FRMD4A: variants seen among roughly 807,000 people sequenced by gnomAD.
FRMD4A encodes FERM domain-containing protein 4A.
Under a neutral mutation model 129.1 loss-of-function variants are expected in FRMD4A, and 29 were observed. That is an observed-to-expected ratio of 0.22 (90% CI 0.17 to 0.31). The LOEUF is 0.31. Among genes scored for constraint, FRMD4A ranks in the 10% least tolerant of loss-of-function variants. FRMD4A has a pLI of 1.00. For synonymous variants in FRMD4A, 634 were observed against 571.6 expected (o/e 1.11, Z -1.56); for missense variants, 1,272 against 1,375.8 (o/e 0.92, Z 1.19).
chr10:13,696,135 C>T (rs1012727306), intron 14 of FRMD4A, among the ~76,000 whole-genome samples: 3 of 152,188 alleles, frequency 2.0e-5, no homozygotes, highest in African/African-American at 7.2e-5. Context: ...CTTCCTCAGG[C>T]GAATTTCCTT....
intron 2 of FRMD4A, among the ~76,000 whole-genome samples, chr10:13,926,483 C>T (rs865912807): frequency 1.1e-4 from 17 of 152,178 alleles, no homozygotes; most frequent in Non-Finnish European, 1.2e-4. Flanking sequence ...ACAGCAGTCC[C>T]AATGATCAGT....
At chr10:14,171,022 T>TTG (rs1554775763) in intron 2 of FRMD4A, among the ~76,000 whole-genome samples, 5 of 52,638 alleles carry the variant, frequency 9.5e-5, no homozygotes, top group Admixed American at 5.8e-4. Context: ...GAGTTTTTTT[T>TTG]TTTGTTTATT....
chr10:13,873,267 G>A (rs1439464476), intron 2 of FRMD4A, among the ~76,000 whole-genome samples: 1 of 32,406 alleles, frequency 3.1e-5, no homozygotes, highest in Non-Finnish European at 5.2e-5. Context: ...AAAAGATAAG[G>A]CTGAAAAAAA....
chr10:14,262,403 G>A (rs1374919041), intron 2 of FRMD4A, among the ~76,000 whole-genome samples: 1 of 152,158 alleles, frequency 6.6e-6, no homozygotes, highest in Non-Finnish European at 1.5e-5. Flanking sequence ...GCTTGGCAAA[G>A]GGTAAATTCT....
intron 2 of FRMD4A, among the ~76,000 whole-genome samples, chr10:14,045,057 C>T (rs995837027): frequency 6.6e-6 from 1 of 152,100 alleles, no homozygotes; most frequent in African/African-American, 2.4e-5. Flanking sequence ...CACCCACCAC[C>T]GTGCCCAGCT....
intron 2 of FRMD4A, among the ~76,000 whole-genome samples, chr10:13,869,469 G>T (rs746061090): frequency 1.3e-5 from 2 of 152,276 alleles, no homozygotes; most frequent in African/African-American, 4.8e-5. Flanking sequence ...ATTCCGCTGG[G>T]GCGGGTCCAC....
At chr10:13,764,424 G>A (rs1419325428) in intron 6 of FRMD4A, among the ~76,000 whole-genome samples, 1 of 152,014 alleles carries the variant, frequency 6.6e-6, no homozygotes, top group Non-Finnish European at 1.5e-5. Flanking sequence ...AGGGTCCCCT[G>A]AGCCTGCGGA....
chr10:14,018,386 G>T (rs1281148598), intron 2 of FRMD4A, among the ~76,000 whole-genome samples: 1 of 144,362 alleles, frequency 6.9e-6, no homozygotes, highest in Non-Finnish European at 1.5e-5. Context: ...AACCCGGGAG[G>T]CAGAGGTTGC....
chr10:13,886,639 G>A (rs1359661850), intron 2 of FRMD4A, among the ~76,000 whole-genome samples: 1 of 152,070 alleles, frequency 6.6e-6, no homozygotes, highest in East Asian at 1.9e-4. Context: ...GGAGCGCAAT[G>A]GTGCAATCAT....
intron 2 of FRMD4A, among the ~76,000 whole-genome samples, chr10:14,103,770 A>G (rs1429961680): frequency 1.3e-5 from 2 of 152,144 alleles, no homozygotes; most frequent in Non-Finnish European, 2.9e-5. Flanking sequence ...TCATTATTGG[A>G]ATAATTAGTT....
intron 5 of FRMD4A, among the ~76,000 whole-genome samples, chr10:13,785,204 G>GT (rs1184722777): frequency 6.6e-6 from 1 of 152,100 alleles, no homozygotes; most frequent in African/African-American, 2.4e-5. Flanking sequence ...TACAATTCAA[G>GT]TTTTTTTGAA....
At chr10:13,670,281 G>T (rs952550376) in intron 17 of FRMD4A, 125 bp downstream of exon 17, 21 of 934,946 alleles carry the variant, frequency 2.2e-5, no homozygotes, top group Middle Eastern at 2.3e-4. Flanking sequence ...TCAAGAAAAG[G>T]TATGAGCGAA....
intron 2 of FRMD4A, among the ~76,000 whole-genome samples, chr10:14,145,918 G>C (rs2131848095): frequency 6.6e-6 from 1 of 152,320 alleles, no homozygotes; most frequent in Admixed American, 6.5e-5. Flanking sequence ...CTGAAATGAT[G>C]ATAATTAGGA....
At chr10:13,706,766 A>ACACACG (rs1263139714) in intron 13 of FRMD4A, among the ~76,000 whole-genome samples, 10 of 151,534 alleles carry the variant, frequency 6.6e-5, no homozygotes, top group Admixed American at 6.6e-4. Flanking sequence ...ACACACACAC[A>ACACACG]CACACACACA....
intron 2 of FRMD4A, chr10:13,972,091 C>A (rs1392088569): frequency 8.9e-7 from 1 of 1,119,932 alleles, no homozygotes; most frequent in East Asian, 6.1e-5. Flanking sequence ...TAAAAATAAA[C>A]CTCAGTGTGC....
intron 2 of FRMD4A, among the ~76,000 whole-genome samples, chr10:14,104,886 A>G (rs1837504916): frequency 6.6e-6 from 1 of 152,184 alleles, no homozygotes; most frequent in African/African-American, 2.4e-5. Flanking sequence ...TGAGTGTGGT[A>G]TGGGGGCAGG....
chr10:13,829,189 G>C (rs979516482), intron 3 of FRMD4A, among the ~76,000 whole-genome samples: 16 of 152,156 alleles, frequency 1.1e-4, no homozygotes, highest in African/African-American at 3.1e-4. Context: ...GGTGGAATAG[G>C]ATTTTAGCAG....
At chr10:14,048,731 G>A (rs745471590) in intron 2 of FRMD4A, among the ~76,000 whole-genome samples, 4 of 152,056 alleles carry the variant, frequency 2.6e-5, no homozygotes, top group Non-Finnish European at 4.4e-5. Flanking sequence ...GCTTGAACCT[G>A]GGAAGCGGAG....
In FRMD4A at chr10:13,714,059, T is replaced by TATATATATATATATAA. The variant is rs1207471495; in HGVS notation, c.760-6947_760-6946insTTATATATATATATAT. On this transcript the variant is annotated intron_variant, in intron 12 of 24. Transcript: ENST00000357447. ...ATATATATATATATATATATATATA[T>TATATATATATATATAA]AAAATATACTTTTTTTTTGAGACAC... Among the ~76,000 whole-genome samples the TATATATATATATATAA allele has an allele frequency of 1.4e-3, 137 of 101,300 alleles. 11 individuals carry two copies. Among genetic ancestry groups the TATATATATATATATAA allele is most frequent in the African/African-American group, 3.4e-3 (96 of 28,414 alleles). The allele number at this position is 101,300 out of a possible 152,430, so 66.5% of individuals were successfully genotyped here. A position where few individuals can be genotyped will look rare whatever the true frequency, so the allele number is the denominator to read the frequency against.
Sources: gnomAD v4.1 joint callset for allele counts (sites outside exome capture counted in the v4.1 genomes callset) on GRCh38, gnomAD v4.1.1 for gene constraint, MANE v1.5 for transcripts, NCBI Gene and HGNC (gene_info 2026-07-23, HGNC 2026-07-21) for gene names.